The following EPB41L5 variants were observed in gnomAD, a reference collection of about 807,000 sequenced individuals.
EPB41L5 encodes the protein band 4.1-like protein 5.
A neutral mutation model predicts 106.6 loss-of-function variants in EPB41L5; 55 were observed. That is an observed-to-expected ratio of 0.52 (90% CI 0.42 to 0.65). EPB41L5 has a LOEUF of 0.65. Among genes scored for constraint, EPB41L5 ranks in the 30% least tolerant of loss-of-function variants. The pLI, the probability that EPB41L5 is intolerant of heterozygous loss-of-function variation, is 0.00. For synonymous variants in EPB41L5, 297 were observed against 306.7 expected (o/e 0.97, Z 0.33); for missense variants, 871 against 882.1 (o/e 0.99, Z 0.16).
intron 2 of EPB41L5, among the ~76,000 whole-genome samples, chr2:120,022,910 T>A (rs887122629): frequency 1.3e-5 from 2 of 152,240 alleles, no homozygotes; most frequent in African/African-American, 4.8e-5. Context: ...GTGATTTTGA[T>A]TTGCATTTCT....
chr2:120,031,968 C>G (rs1193752697), intron 2 of EPB41L5, among the ~76,000 whole-genome samples: 1 of 152,022 alleles, frequency 6.6e-6, no homozygotes, highest in Non-Finnish European at 1.5e-5. Context: ...AGACCTCCAT[C>G]TCTACAAAAA....
At chr2:120,036,506 A>G (rs1679046862) in intron 2 of EPB41L5, among the ~76,000 whole-genome samples, 1 of 152,210 alleles carries the variant, frequency 6.6e-6, no homozygotes, top group South Asian at 2.1e-4. Context: ...AAATAAGGAG[A>G]CAAATGAGCG....
intron 3 of EPB41L5, among the ~76,000 whole-genome samples, chr2:120,056,207 A>C (rs902723607): frequency 1.3e-5 from 2 of 152,028 alleles, no homozygotes; most frequent in Non-Finnish European, 2.9e-5. Context: ...AGTTTTTAAA[A>C]AATCTGTTTA....
intron 3 of EPB41L5, among the ~76,000 whole-genome samples, chr2:120,061,283 C>A (rs1416614812): frequency 1.4e-5 from 2 of 144,652 alleles, no homozygotes; most frequent in Non-Finnish European, 3.0e-5. Context: ...AGTGCAGTGG[C>A]GGGATCTCGG....
chr2:120,045,605 C>T (rs1456180492), intron 3 of EPB41L5, among the ~76,000 whole-genome samples: 4 of 152,128 alleles, frequency 2.6e-5, no homozygotes, highest in Non-Finnish European at 4.4e-5. Flanking sequence ...GTTAACTGTT[C>T]CTGGTATGTT....
Position 120,174,861 on chromosome 2 carries a change from A to C in EPB41L5, c.2156A>C (p.Glu719Ala), listed in dbSNP as rs534260431. The change falls in exon 25 of 25, where the codon GAA becomes GCA. Residue 719 changes from glutamate (E) to alanine (A), a missense_variant. Coordinates refer to ENST00000263713, the MANE Select transcript of EPB41L5 (RefSeq NM_020909.4). ...AVTSSGPILAEEAVLKQKCLL... is the reference protein window; with the variant it reads ...AVTSSGPILAAEAVLKQKCLL... ...TTCAGCTCTGGTCCCATTTTGGCAGAAGAAGCTGTCCTGAAGCAGAAGTGT... is the reference window on the plus strand; with the variant it reads ...TTCAGCTCTGGTCCCATTTTGGCAGCAGAAGCTGTCCTGAAGCAGAAGTGT... The C allele has an allele frequency of 5.6e-6, 9 of 1,614,170 alleles. No homozygotes were observed. The East Asian group carries it at 2.0e-4, about 36-fold the overall frequency.
In EPB41L5 at chr2:120,053,988, C is replaced by T. The variant is rs150644251; in HGVS notation, c.285+11878C>T. Among the ~76,000 whole-genome samples the T allele has an allele frequency of 2.7e-3, 408 of 152,242 alleles. 2 individuals carry two copies. Among genetic ancestry groups the T allele is most frequent in the African/African-American group, 9.4e-3 (389 of 41,550 alleles). Reference sequence around the variant, plus strand: ...AGGTAGGAGGATTGCTTGTGCCAAACTTTTCCAGTGATGGCACCATTCCAC... The same window carrying T: ...AGGTAGGAGGATTGCTTGTGCCAAATTTTTCCAGTGATGGCACCATTCCAC... On this transcript the variant is annotated intron_variant, in intron 3 of 24. Transcript: ENST00000263713.
chr2:120,033,326 T>C (rs181522484), intron 2 of EPB41L5, among the ~76,000 whole-genome samples: 1 of 152,328 alleles, frequency 6.6e-6, no homozygotes, highest in Admixed American at 6.5e-5. Context: ...CAATGAAGTT[T>C]TTTAAAAATT....
chr2:120,124,813 T>A (rs1295945206), intron 16 of EPB41L5, among the ~76,000 whole-genome samples: 1 of 152,018 alleles, frequency 6.6e-6, no homozygotes, highest in African/African-American at 2.4e-5. Context: ...TTTAAAGGAG[T>A]CTACACCAGT....
intron 24 of EPB41L5, among the ~76,000 whole-genome samples, chr2:120,171,726 C>A (rs989354925): frequency 1.3e-5 from 2 of 152,194 alleles, no homozygotes; most frequent in African/African-American, 4.8e-5. Context: ...GCCAAATAAT[C>A]ACCAGGGAGC....
In EPB41L5 at chr2:120,170,170, AAATT is replaced by A. The variant is rs547927121; in HGVS notation, c.2135+2167_2135+2170del. 4.3e-3 allele frequency among the ~76,000 whole-genome samples: 660 copies of A among 152,378 alleles called. 6 individuals carry two copies. Among genetic ancestry groups the A allele is most frequent in the African/African-American group, 0.015 (639 of 41,592 alleles). On this transcript the variant is annotated intron_variant, in intron 24 of 24. Transcript: ENST00000263713. ...GATAAATATTAGAAAAGAGCAGTGAAAATTAATAACTACAACTAAAATGTAGCAG... is the reference window on the plus strand; with the variant it reads ...GATAAATATTAGAAAAGAGCAGTGAAAATAACTACAACTAAAATGTAGCAG...
intron 3 of EPB41L5, among the ~76,000 whole-genome samples, chr2:120,052,350 T>C (rs1279673554): frequency 6.6e-6 from 1 of 152,256 alleles, no homozygotes; most frequent in Admixed American, 6.5e-5. Flanking sequence ...TGTTTCGTTC[T>C]GTCCTATTGG....
In EPB41L5 at chr2:120,178,998, A is replaced by G. The variant is rs1241870053; in HGVS notation, c.*4091A>G. The stretch of plus-strand genomic sequence containing the variant: ...AATTTATTTTTCTATCAAGTGCACT[A>G]TTCATTTAGTGTGTTCCAGTTTTAT... On this transcript the variant is annotated 3_prime_UTR_variant, in exon 25 of 25. Coordinates refer to ENST00000263713, the MANE Select transcript of EPB41L5 (RefSeq NM_020909.4). 6.6e-6 allele frequency: 1 copy of G among 152,220 alleles called. No homozygotes were observed. Among genetic ancestry groups the G allele is most frequent in the African/African-American group, 2.4e-5 (1 of 41,458 alleles). 9.4% of individuals were successfully genotyped at this position (152,220 alleles called of 1,614,324 possible).
chr2:120,061,522 CT>C (rs1185633231), intron 3 of EPB41L5, among the ~76,000 whole-genome samples: 1 of 150,754 alleles, frequency 6.6e-6, no homozygotes, highest in Admixed American at 6.6e-5. Flanking sequence ...CGCGCCCGGC[CT>C]TTTTTTTTAA....
Position 120,074,128 on chromosome 2 carries a change from A to T in EPB41L5, c.357A>T (p.Arg119=). 6.2e-7 allele frequency: 1 copy of T among 1,611,432 alleles called. No homozygotes were observed. Among genetic ancestry groups the T allele is most frequent in the East Asian group, 2.2e-5 (1 of 44,766 alleles). ...KIGSPYCLHL[R]VKFYSSEPNN... is the part of the protein sequence containing the mutation. ...GTTCACCCTATTGTCTGCATCTTCGAGTTAAGTTTTATTCCTCAGAACCAA... is the reference window on the plus strand; with the variant it reads ...GTTCACCCTATTGTCTGCATCTTCGTGTTAAGTTTTATTCCTCAGAACCAA... The change falls in exon 5 of 25, where the codon CGA becomes CGT. Residue 119 remains arginine, a synonymous_variant. Transcript: ENST00000263713.
At chr2:120,060,136 A>C (rs1680935823) in intron 3 of EPB41L5, among the ~76,000 whole-genome samples, 1 of 152,242 alleles carries the variant, frequency 6.6e-6, no homozygotes, top group African/African-American at 2.4e-5. Flanking sequence ...AATGTGCAGA[A>C]ATGGGATCTC....
rs148200948 is a variant in EPB41L5, at chr2:120,050,484, C to G, written c.285+8374C>G. 4.8e-3 allele frequency among the ~76,000 whole-genome samples: 726 copies of G among 152,310 alleles called. 6 individuals are homozygous for G. Among genetic ancestry groups the G allele is most frequent in the African/African-American group, 0.017 (705 of 41,564 alleles). On this transcript the variant is annotated intron_variant, in intron 3 of 24. Transcript: ENST00000263713. ...AAGCTTGTGCATGCATCACGTCATT[C>G]TCGTGCCATGGTTTTCAGCTCCATC...
intron 23 of EPB41L5, 136 bp downstream of exon 23, chr2:120,167,643 G>A: frequency 9.4e-7 from 1 of 1,060,858 alleles, no homozygotes; most frequent in Non-Finnish European, 1.4e-6. Flanking sequence ...TTAACTTAAT[G>A]GCTTCAAGCT....
chr2:120,104,011 C>G (rs532275825), intron 16 of EPB41L5: 55 of 1,470,634 alleles, frequency 3.7e-5, no homozygotes, highest in Non-Finnish European at 4.8e-5. Flanking sequence ...CCATTTTCTC[C>G]TATTCCTATT....
Sources: gnomAD v4.1 joint callset for allele counts (sites outside exome capture counted in the v4.1 genomes callset) on GRCh38, gnomAD v4.1.1 for gene constraint, MANE v1.5 for transcripts, NCBI Gene and HGNC (gene_info 2026-07-23, HGNC 2026-07-21) for gene names.